Variants in FMN1 observed in about 807,000 individuals in gnomAD.
FMN1 encodes the protein formin-1.
FMN1 carries 110 observed loss-of-function variants against 132.4 expected under a neutral mutation model. The ratio of observed to expected loss-of-function variants is 0.83; its 90% CI spans 0.71 to 0.97. The LOEUF (loss-of-function observed/expected upper bound fraction) is 0.97. Ranked by LOEUF, FMN1 falls within the 50% of genes least tolerant of loss-of-function variation. The pLI, the probability that FMN1 is intolerant of heterozygous loss-of-function variation, is 0.00. For synonymous variants in FMN1, 722 were observed against 651.7 expected, an observed-to-expected ratio of 1.11 and a Z score of -1.64; for missense variants, 1,792 against 1,705.3, an observed-to-expected ratio of 1.05 and a Z score of -0.90.
chr15:32,857,019 T>A lies in FMN1; in HGVS notation c.3924A>T (p.Gln1308His), dbSNP rs371921827. ...GCGGCTGACAAAGCTTCCTACCTTT[T>A]TGGAAGAACTCCTCTAGTTTGTCCT... ...PFKDKLEEFF[Q>H]KAKKEHKMEE... is the part of the protein sequence containing the mutation. Residue 1308 changes from glutamine (Q) to histidine (H), a missense_variant, in exon 17 of 21, where the codon CAA becomes CAT. Transcript: ENST00000616417. The A allele has an allele frequency of 6.2e-7, 1 of 1,610,468 alleles. No homozygotes were observed. Among genetic ancestry groups the A allele is most frequent in the African/African-American group, 1.3e-5 (1 of 74,836 alleles).
intron 4 of FMN1, 119 bp from the exon 5 acceptor site, chr15:33,089,093 A>C (rs1445264167): frequency 1.2e-6 from 1 of 805,856 alleles, no homozygotes; most frequent in Admixed American, 3.1e-5. Context: ...TTGCTTTCTA[A>C]GTTATATTTT....
At chr15:33,079,325 T>A (rs529067203) in intron 5 of FMN1, among the ~76,000 whole-genome samples, 82 of 152,356 alleles carry the variant, frequency 5.4e-4, no homozygotes, top group South Asian at 2.1e-3. Context: ...CTTTTTATTT[T>A]ATAAAGAAAG....
At chr15:32,953,458 T>G (rs2061695815) in intron 9 of FMN1, among the ~76,000 whole-genome samples, 1 of 152,200 alleles carries the variant, frequency 6.6e-6, no homozygotes, top group Non-Finnish European at 1.5e-5. Context: ...TTCCTTTGCT[T>G]TTATCACAGT....
At chr15:32,798,660 C>G in intron 19 of FMN1, 144 bp downstream of exon 19, 1 of 683,862 alleles carries the variant, frequency 1.5e-6, no homozygotes, top group Non-Finnish European at 2.3e-6. Context: ...CCCTACGATC[C>G]CTGAGGCAAA....
chr15:33,170,322 A>C (rs898510061), intron 3 of FMN1, among the ~76,000 whole-genome samples: 1 of 152,196 alleles, frequency 6.6e-6, no homozygotes, highest in African/African-American at 2.4e-5. Context: ...AGTGGAAAAC[A>C]TAAGGGAAAC....
intron 6 of FMN1, among the ~76,000 whole-genome samples, chr15:33,032,872 C>T (rs539444819): frequency 9.1e-4 from 138 of 152,140 alleles, no homozygotes; most frequent in Non-Finnish European, 1.8e-3. Flanking sequence ...TGTCTTGTTT[C>T]TTCATCTATA....
Position 32,969,264 on chromosome 15 carries a change from G to GGAA in FMN1, c.2434_2436dup (p.Phe812dup), listed in dbSNP as rs2031561376. 3.7e-6 allele frequency: 6 copies of GGAA among 1,613,798 alleles called. No individual in the cohort carries two copies. The highest frequency in any genetic ancestry group is 5.1e-6 in the Non-Finnish European group (6 of 1,179,886). On this transcript the variant is annotated inframe_insertion, in exon 8 of 21. Transcript: ENST00000616417. ...TTGCTTTCACTTTCACAGGGCTTGA[G>GGAA]GAAGGTCTCTCTGTCTGTCTGGACG...
Position 33,154,700 on chromosome 15 carries a change from T to A in FMN1, c.215A>T (p.Asp72Val). 2.0e-6 allele frequency: 3 copies of A among 1,536,112 alleles called. No homozygotes were observed. The highest frequency in any genetic ancestry group is 2.6e-6 in the Non-Finnish European group (3 of 1,146,902). The change falls in exon 4 of 21, where the codon GAC (aspartate) becomes GTC (valine). Residue 72 changes from aspartate to valine, a missense_variant. Asp to Val is a radical substitution (Grantham distance 152). Transcript: ENST00000616417. Reference protein sequence around the residue: ...LSQEPDEHPGDIFFKQTPTKD... With the variant: ...LSQEPDEHPGVIFFKQTPTKD... ...CGTGGGAGTCTGCTTGAAAAATATG[T>A]CGCCTGGATGTTCGTCCGGCTCCTG...
At position 32,814,981 on chromosome 15, in the gene FMN1, C is replaced by T. The variant is rs956056366; in HGVS notation, c.3929-10649G>A. Among the ~76,000 whole-genome samples, 7 of 152,066 alleles carry T rather than the reference C, an allele frequency of 4.6e-5. No homozygotes were observed. The South Asian group carries it at 6.2e-4, about 14-fold the overall frequency. ...TTTTTGAGACAGAGTCTCGCTCTGT[C>T]GCCCAGACTGGAGTGCAGTGGTGCG... On this transcript the variant is annotated intron_variant, in intron 17 of 20. Coordinates refer to ENST00000616417, the MANE Select transcript of FMN1 (RefSeq NM_001277313.2).
chr15:33,154,369 A>C lies in FMN1; in HGVS notation c.546T>G (p.Arg182=). The C allele has an allele frequency of 6.5e-7, 1 of 1,536,102 alleles. No homozygotes were observed. Among genetic ancestry groups the C allele is most frequent in the Non-Finnish European group, 8.7e-7 (1 of 1,146,918 alleles). The part of the protein sequence containing the change: ...LPQKRTKRKG[R]GGRESAPLMG... ...TCAGAGGAGCTGATTCTCGGCCTCC[A>C]CGCCCTTTTCTTTTGGTCCTCTTCT... The change falls in exon 4 of 21, where the codon CGT becomes CGG. Residue 182 remains arginine, a synonymous_variant. Coordinates refer to ENST00000616417, the MANE Select transcript of FMN1 (RefSeq NM_001277313.2).
At chr15:32,963,773 TA>T (rs1394130643) in intron 9 of FMN1, among the ~76,000 whole-genome samples, 1 of 152,140 alleles carries the variant, frequency 6.6e-6, no homozygotes, top group Non-Finnish European at 1.5e-5. Context: ...AAGTCCAGAT[TA>T]AATTTTGAAA....
chr15:33,180,355 T>C (rs1434893123), intron 2 of FMN1, 93 bp from the exon 3 acceptor site: 1 of 152,018 alleles, frequency 6.6e-6, no homozygotes, highest in African/African-American at 2.4e-5. Flanking sequence ...ATATATTAGG[T>C]GGCTAATTTG....
Position 33,118,478 on chromosome 15 carries a change from C to T in FMN1, c.1868-29504G>A, listed in dbSNP as rs80166664. Among the ~76,000 whole-genome samples, 33 of 152,238 alleles carry T rather than the reference C, an allele frequency of 2.2e-4. No homozygotes were observed. In the East Asian group the frequency reaches 6.4e-3, roughly 29 times the overall value. ...GAAAGTAAAAAATGTCAATTTCTCC[C>T]TTAATGCTGAAATTAATTACCTTTA... On this transcript the variant is annotated intron_variant, in intron 4 of 20. Coordinates refer to ENST00000616417, the MANE Select transcript of FMN1 (RefSeq NM_001277313.2).
chr15:33,097,301 C>CT (rs1191593795), intron 4 of FMN1, among the ~76,000 whole-genome samples: 1 of 130,068 alleles, frequency 7.7e-6, no homozygotes, highest in African/African-American at 3.4e-5. Flanking sequence ...GAGACCCTGT[C>CT]TTAAAAAAAA....
chr15:32,798,178 G>GAACACACACACACA lies in FMN1; in HGVS notation c.4130+625_4130+626insTGTGTGTGTGTGTT, dbSNP rs1555457387. 1.1e-3 allele frequency among the ~76,000 whole-genome samples: 157 copies of GAACACACACACACA among 147,202 alleles called. 4 individuals are homozygous for GAACACACACACACA. Among genetic ancestry groups the GAACACACACACACA allele is most frequent in the African/African-American group, 3.6e-3 (141 of 39,470 alleles). On this transcript the variant is annotated intron_variant, in intron 19 of 20. Coordinates refer to ENST00000616417, the MANE Select transcript of FMN1 (RefSeq NM_001277313.2). Reference sequence around the variant, plus strand: ...CAAATTCAATCTCTCTAAGGAAAACGCACACACACACACACACACACACAC... The same window carrying GAACACACACACACA: ...CAAATTCAATCTCTCTAAGGAAAACGAACACACACACACACACACACACACACACACACACACAC...
chr15:32,992,562 G>C (rs184263257), intron 7 of FMN1, among the ~76,000 whole-genome samples: 1 of 152,086 alleles, frequency 6.6e-6, no homozygotes, highest in East Asian at 1.9e-4. Flanking sequence ...TTAAGAAAAA[G>C]GACTGGTATC....
At chr15:32,797,587 CA>C (rs1262677156) in intron 19 of FMN1, among the ~76,000 whole-genome samples, 1 of 152,066 alleles carries the variant, frequency 6.6e-6, no homozygotes, top group Non-Finnish European at 1.5e-5. Context: ...ATTTTCTCAA[CA>C]ATGGTACTTT....
chr15:32,840,928 T>C (rs567558706), intron 17 of FMN1, among the ~76,000 whole-genome samples: 2 of 152,198 alleles, frequency 1.3e-5, no homozygotes, highest in Non-Finnish European at 2.9e-5. Flanking sequence ...CTTTGAAAGA[T>C]AGACACAGGA....
chr15:33,145,768 T>A (rs545049457), intron 4 of FMN1, among the ~76,000 whole-genome samples: 1 of 151,728 alleles, frequency 6.6e-6, no homozygotes, highest in Non-Finnish European at 1.5e-5. Context: ...AGAACATAGC[T>A]GAGGCCCAAG....
Sources: allele counts gnomAD v4.1 joint callset (sites outside exome capture counted in the v4.1 genomes callset), GRCh38; gene constraint gnomAD v4.1.1; transcripts MANE v1.5; gene names NCBI Gene and HGNC (gene_info 2026-07-23, HGNC 2026-07-21).